The following GALNT13 variants were observed in gnomAD, a reference collection of about 807,000 sequenced individuals.
The protein encoded by GALNT13 is UDP-GalNAc:polypeptide N-acetylgalactosaminyltransferase 13.
A neutral mutation model predicts 64.2 loss-of-function variants in GALNT13; 28 were observed. That is an observed-to-expected ratio of 0.44 (90% CI 0.32 to 0.60). GALNT13 has a LOEUF of 0.60. GALNT13 is among the 20% of genes least tolerant of loss of function. GALNT13 has a pLI of 0.05. For synonymous variants in GALNT13, 214 were observed against 224.6 expected (o/e 0.95, Z 0.42); for missense variants, 577 against 669.8 (o/e 0.86, Z 1.53).
At chr2:153,153,708 T>C in the GALNT13 span, among the ~76,000 whole-genome samples, 1 of 149,806 alleles carries the variant, frequency 6.7e-6, no homozygotes, top group African/African-American at 2.5e-5. Flanking sequence ...CAGATACCTG[T>C]AGGTATGTGG....
chr2:153,850,405 A>G, the GALNT13 span, among the ~76,000 whole-genome samples: 3 of 152,188 alleles, frequency 2.0e-5, no homozygotes, highest in Admixed American at 6.5e-5. Flanking sequence ...AACTCTAAAA[A>G]AGATCAAACT....
the GALNT13 span, among the ~76,000 whole-genome samples, chr2:153,139,489 G>C: frequency 6.6e-6 from 1 of 152,014 alleles, no homozygotes; most frequent in Non-Finnish European, 1.5e-5. Context: ...AGAAGAGATT[G>C]CCTACGATGG....
At chr2:153,528,206 C>T in the GALNT13 span, among the ~76,000 whole-genome samples, 13 of 151,690 alleles carry the variant, frequency 8.6e-5, no homozygotes, top group East Asian at 1.7e-3. Context: ...AAAAAACATA[C>T]ATAAACTGAA....
the GALNT13 span, among the ~76,000 whole-genome samples, chr2:153,293,771 GTGTGTGTGTGTGTGTGTGTGTC>G: frequency 9.1e-6 from 1 of 109,348 alleles, no homozygotes; most frequent in African/African-American, 4.4e-5. Context: ...TTGTGTGTGT[GTGTGTGTGTGTGTGTGTGTGTC>G]TGTGTGTGTG....
At chr2:153,981,608 AG>A (rs769977723) in intron 3 of GALNT13, among the ~76,000 whole-genome samples, 8 of 152,088 alleles carry the variant, frequency 5.3e-5, no homozygotes, top group Non-Finnish European at 1.0e-4. Context: ...TTCTTAATCC[AG>A]TCTATCATTG....
At chr2:153,315,290 C>T in the GALNT13 span, among the ~76,000 whole-genome samples, 1 of 152,130 alleles carries the variant, frequency 6.6e-6, no homozygotes, top group African/African-American at 2.4e-5. Context: ...AGATTTGGTG[C>T]CTGGCAAGGA....
At chr2:153,115,755 G>A in the GALNT13 span, among the ~76,000 whole-genome samples, 1 of 152,002 alleles carries the variant, frequency 6.6e-6, no homozygotes, top group African/African-American at 2.4e-5. Flanking sequence ...TAATATAATT[G>A]AACATTGGTC....
At chr2:154,345,576 C>T (rs1482480489) in intron 9 of GALNT13, among the ~76,000 whole-genome samples, 1 of 151,988 alleles carries the variant, frequency 6.6e-6, no homozygotes, top group Non-Finnish European at 1.5e-5. Flanking sequence ...ATTCGGACAG[C>T]ACACTTCTAG....
the GALNT13 span, among the ~76,000 whole-genome samples, chr2:153,247,874 G>T: frequency 6.6e-6 from 1 of 152,068 alleles, no homozygotes; most frequent in Non-Finnish European, 1.5e-5. Flanking sequence ...AAATGATAAA[G>T]GGGATATCAC....
chr2:153,673,551 A>G, the GALNT13 span, among the ~76,000 whole-genome samples: 6 of 152,190 alleles, frequency 3.9e-5, no homozygotes, highest in Non-Finnish European at 7.3e-5. Context: ...TATTGATAGA[A>G]CGTATCTCAA....
chr2:153,547,065 T>C, the GALNT13 span, among the ~76,000 whole-genome samples: 2 of 152,230 alleles, frequency 1.3e-5, no homozygotes, highest in African/African-American at 4.8e-5. Flanking sequence ...AAAATAATCA[T>C]GTACAAGATG....
the GALNT13 span, among the ~76,000 whole-genome samples, chr2:153,426,502 CT>C: frequency 6.6e-6 from 1 of 151,890 alleles, no homozygotes; most frequent in African/African-American, 2.4e-5. Flanking sequence ...TCTTGTAAGT[CT>C]TTGTTCATCT....
At chr2:154,391,467 T>C (rs771414121) in intron 9 of GALNT13, among the ~76,000 whole-genome samples, 48 of 152,144 alleles carry the variant, frequency 3.2e-4, no homozygotes, top group Non-Finnish European at 6.2e-4. Flanking sequence ...TAACTAGATT[T>C]TCTGGTGATG....
At chr2:153,571,936 T>C in the GALNT13 span, among the ~76,000 whole-genome samples, 1 of 145,222 alleles carries the variant, frequency 6.9e-6, no homozygotes, top group Non-Finnish European at 1.5e-5. Context: ...TGTTAGGTTT[T>C]GGTATCAGGG....
At chr2:153,516,331 G>C in the GALNT13 span, among the ~76,000 whole-genome samples, 1 of 152,140 alleles carries the variant, frequency 6.6e-6, no homozygotes, top group African/African-American at 2.4e-5. Flanking sequence ...TATCTTACTG[G>C]ATGATTAATT....
chr2:154,367,531 GT>G (rs1025391437), intron 9 of GALNT13, among the ~76,000 whole-genome samples: 1 of 151,950 alleles, frequency 6.6e-6, no homozygotes, highest in Admixed American at 6.6e-5. Flanking sequence ...AAGAAGCATT[GT>G]TTTTTTAATA....
At chr2:153,863,857 G>C in the GALNT13 span, among the ~76,000 whole-genome samples, 2 of 152,082 alleles carry the variant, frequency 1.3e-5, no homozygotes. Flanking sequence ...TGACCATATG[G>C]TATATGTAAG....
At chr2:153,088,188 T>C in the GALNT13 span, among the ~76,000 whole-genome samples, 1 of 152,118 alleles carries the variant, frequency 6.6e-6, no homozygotes, top group Non-Finnish European at 1.5e-5. Flanking sequence ...GTCCAAAGAA[T>C]TGTTTCATAT....
At chr2:153,342,336 T>C in the GALNT13 span, among the ~76,000 whole-genome samples, 21 of 152,168 alleles carry the variant, frequency 1.4e-4, no homozygotes, top group Non-Finnish European at 2.5e-4. Context: ...TTTTTTGAGT[T>C]TGTGAATAAT....
Sources: gnomAD v4.1 joint callset for allele counts (sites outside exome capture counted in the v4.1 genomes callset) on GRCh38, gnomAD v4.1.1 for gene constraint, MANE v1.5 for transcripts, NCBI Gene and HGNC (gene_info 2026-07-23, HGNC 2026-07-21) for gene names.